The following SPTBN4 variants were observed in gnomAD, a reference collection of about 807,000 sequenced individuals.
SPTBN4 encodes spectrin beta chain, non-erythrocytic 4.
SPTBN4 carries 96 observed loss-of-function variants against 277.8 expected under a neutral mutation model. The ratio of observed to expected loss-of-function variants is 0.35; its 90% CI spans 0.29 to 0.41. The LOEUF is 0.41. Ranked by LOEUF, SPTBN4 falls within the 10% of genes least tolerant of loss-of-function variation. The probability of loss-of-function intolerance (pLI) is 1.00; values close to 1 mark genes in which losing one functional copy is unlikely to be tolerated. For synonymous variants in SPTBN4, 1,481 were observed against 1,580.3 expected, an observed-to-expected ratio of 0.94 and a Z score of 1.49; for missense variants, 3,006 against 3,595.7, an observed-to-expected ratio of 0.84 and a Z score of 4.19.
chr19:40,511,771 T>G (rs1377642682), intron 13 of SPTBN4, among the ~76,000 whole-genome samples: 1 of 151,958 alleles, frequency 6.6e-6, no homozygotes, highest in African/African-American at 2.4e-5. Flanking sequence ...AGATAACCAC[T>G]GGGATTGATA....
At position 40,487,845 on chromosome 19, in the gene SPTBN4, G is replaced by C. The variant is rs748256400; in HGVS notation, c.318G>C (p.Gln106His). The C allele has an allele frequency of 6.2e-7, 1 of 1,601,182 alleles. No individual in the cohort carries two copies. The highest frequency in any genetic ancestry group is 1.1e-5 in the South Asian group (1 of 89,476). The change falls in exon 3 of 36, where the codon CAG becomes CAC. Residue 106 changes from glutamine to histidine, a missense_variant. Transcript: ENST00000598249. ...TCCTGGAAGTGCTGTCTGGGGAGCA[G>C]CTGGTGAGGGGGCCTGAAGGGCTGG... The part of the protein sequence containing the change: ...TRLLEVLSGE[Q>H]LPRPTRGRMR...
At chr19:40,558,737 A>G (rs942232010) in intron 26 of SPTBN4, among the ~76,000 whole-genome samples, 1 of 150,500 alleles carries the variant, frequency 6.6e-6, no homozygotes, top group African/African-American at 2.4e-5. Context: ...CCTTCCAAAT[A>G]GCTGGGATTA....
rs148394509 is a variant in SPTBN4 at position 40,523,532 on chromosome 19, G to A, written c.3750G>A (p.Leu1250=). 1 of 1,614,110 alleles carries A rather than the reference G, an allele frequency of 6.2e-7. No individual in the cohort carries two copies. The highest frequency in any genetic ancestry group is 8.5e-7 in the Non-Finnish European group (1 of 1,180,054). Residue 1250 remains leucine, a synonymous_variant, in exon 17 of 36, where the codon CTG becomes CTA. Coordinates refer to ENST00000598249, the MANE Select transcript of SPTBN4 (RefSeq NM_020971.3). ...QHRDFLTTME[L]SQQKMQVAVQ... The stretch of plus-strand genomic sequence containing the variant: ...GTGACTTTCTCACCACCATGGAGCT[G>A]AGCCAGCAAAAGATGCAGGTGGCCG...
At chr19:40,557,429 A>C in intron 26 of SPTBN4, 26 bp downstream of exon 26, 1 of 1,535,500 alleles carries the variant, frequency 6.5e-7, no homozygotes, top group Non-Finnish European at 8.8e-7. Flanking sequence ...CCATCAGGGC[A>C]GGTGGGAGGG....
chr19:40,505,730 G>A (rs963795658), intron 12 of SPTBN4, among the ~76,000 whole-genome samples: 1 of 150,386 alleles, frequency 6.6e-6, no homozygotes, highest in East Asian at 2.0e-4. Flanking sequence ...AAGGAAGGAA[G>A]GAAGGAAGGA....
intron 32 of SPTBN4, among the ~76,000 whole-genome samples, chr19:40,569,932 C>T (rs1483102959): frequency 9.3e-6 from 1 of 107,834 alleles, no homozygotes; most frequent in Non-Finnish European, 2.0e-5. Context: ...CCCCTACTGC[C>T]CCTCCACACA....
chr19:40,565,142 G>C (rs1240337981), intron 27 of SPTBN4, among the ~76,000 whole-genome samples: 5 of 151,876 alleles, frequency 3.3e-5, no homozygotes, highest in African/African-American at 9.7e-5. Flanking sequence ...GCAGGTGCCT[G>C]TAATCCCAGC....
chr19:40,506,078 A>T (rs2080326278), intron 12 of SPTBN4, among the ~76,000 whole-genome samples, 158 bp from the exon 13 acceptor site: 1 of 152,184 alleles, frequency 6.6e-6, no homozygotes, highest in Admixed American at 6.5e-5. Flanking sequence ...CAGGCCACAG[A>T]GCTGGTAAGA....
At position 40,529,208 on chromosome 19, in the gene SPTBN4, G is replaced by T. The variant is rs1264885319; in HGVS notation, c.3948+77G>T. The T allele has an allele frequency of 4.4e-6, 6 of 1,376,864 alleles. No individual in the cohort carries two copies. In the East Asian group the frequency reaches 7.0e-5, roughly 16 times the overall value. The allele number at this position is 1,376,864 out of a possible 1,614,324, so 85.3% of individuals were successfully genotyped here. A position where few individuals can be genotyped will look rare whatever the true frequency, so the allele number is the denominator to read the frequency against. Reference sequence around the variant, plus strand: ...GAAGTGCTTCTCGGCCGAGGTGGGGGTGGGGACGCCCCGTCTAAGTGGGTC... The same window carrying T: ...GAAGTGCTTCTCGGCCGAGGTGGGGTTGGGGACGCCCCGTCTAAGTGGGTC... On this transcript the variant is annotated intron_variant, in intron 18 of 35. Coordinates refer to ENST00000598249, the MANE Select transcript of SPTBN4 (RefSeq NM_020971.3).
chr19:40,570,393 C>A, intron 32 of SPTBN4, 43 bp from the exon 33 acceptor site: 1 of 1,498,280 alleles, frequency 6.7e-7, no homozygotes, highest in South Asian at 1.2e-5. Flanking sequence ...ACCCCCACAC[C>A]CTCTCCATGG....
rs1433007877 is a variant in SPTBN4, at chr19:40,567,862, TGC to T, written c.6539_6540del (p.Arg2180ProfsTer13). 6.6e-7 allele frequency: 1 copy of T among 1,526,060 alleles called. No homozygotes were observed. Among genetic ancestry groups the T allele is most frequent in the Non-Finnish European group, 8.8e-7 (1 of 1,138,338 alleles). 94.5% of individuals were successfully genotyped at this position (1,526,060 alleles called of 1,614,324 possible). On this transcript the variant is annotated frameshift_variant, in exon 31 of 36. Coordinates refer to ENST00000598249, the MANE Select transcript of SPTBN4 (RefSeq NM_020971.3). LOFTEE classifies it high-confidence loss of function. ...GAGGTGCGGACTCGGGTGGGGTATGTGCGCCAGGAGCTCAAGCCCGAGCGCCT... is the reference window on the plus strand; with the variant it reads ...GAGGTGCGGACTCGGGTGGGGTATGTGCCAGGAGCTCAAGCCCGAGCGCCT...
chr19:40,536,855 G>A (rs1024918049), intron 20 of SPTBN4, among the ~76,000 whole-genome samples: 3 of 152,102 alleles, frequency 2.0e-5, no homozygotes, highest in East Asian at 3.9e-4. Context: ...GTGCAATCAC[G>A]GCTCACTGCA....
Position 40,527,250 on chromosome 19 carries a change from CTCTG to C in SPTBN4, c.3858-1787_3858-1784del, listed in dbSNP as rs1398142195. ...ACCTCTCTAACCCTGTCTTTTCTGC[CTCTG>C]TCTTTCACAGATACTGTACTTTTGT... On this transcript the variant is annotated intron_variant, in intron 17 of 35. Coordinates refer to ENST00000598249, the MANE Select transcript of SPTBN4 (RefSeq NM_020971.3). Among the ~76,000 whole-genome samples, 5 of 152,276 alleles carry C rather than the reference CTCTG, an allele frequency of 3.3e-5. No homozygotes were observed. The South Asian group carries it at 8.3e-4, about 25-fold the overall frequency.
chr19:40,517,166 A>G (rs2080470052), intron 15 of SPTBN4, among the ~76,000 whole-genome samples: 1 of 152,178 alleles, frequency 6.6e-6, no homozygotes, highest in African/African-American at 2.4e-5. Flanking sequence ...AAACTACCCC[A>G]CATTAGAGAG....
rs1194122126 is a variant in SPTBN4, at chr19:40,534,041, T to C, written c.4096-39T>C. The C allele has an allele frequency of 7.7e-6, 12 of 1,564,614 alleles. 1 individual carries two copies. The highest frequency in any genetic ancestry group is 3.4e-4 in the Middle Eastern group (2 of 5,864). On this transcript the variant is annotated intron_variant, in intron 19 of 35. Coordinates refer to ENST00000598249, the MANE Select transcript of SPTBN4 (RefSeq NM_020971.3). ...TCTCTGATTCTCCCCACCATCTATC[T>C]ATCTTCTCCATCTCCTGCCATCCAC...
At chr19:40,500,546 A>G (rs1294796124) in intron 7 of SPTBN4, among the ~76,000 whole-genome samples, 1 of 152,178 alleles carries the variant, frequency 6.6e-6, no homozygotes, top group African/African-American at 2.4e-5. Flanking sequence ...GCCCACGCCT[A>G]TAGTGGCCCA....
At chr19:40,569,161 C>A (rs2081125257) in intron 31 of SPTBN4, among the ~76,000 whole-genome samples, 1 of 152,168 alleles carries the variant, frequency 6.6e-6, no homozygotes, top group Non-Finnish European at 1.5e-5. Flanking sequence ...CGCGGTGGCT[C>A]ACGCCTGTAA....
intron 6 of SPTBN4, 140 bp downstream of exon 6, chr19:40,495,117 T>A (rs2080181527): frequency 2.7e-6 from 2 of 745,916 alleles, no homozygotes; most frequent in Non-Finnish European, 4.4e-6. Context: ...CACATACAGT[T>A]TTCTTTCCCT....
intron 7 of SPTBN4, among the ~76,000 whole-genome samples, chr19:40,500,235 T>G (rs915195801): frequency 2.0e-5 from 3 of 152,222 alleles, no homozygotes; most frequent in Middle Eastern, 3.4e-3. Flanking sequence ...TTAGAATTTG[T>G]TGAGTTTCCC....
Sources: allele counts gnomAD v4.1 joint callset (sites outside exome capture counted in the v4.1 genomes callset), GRCh38; gene constraint gnomAD v4.1.1; transcripts MANE v1.5; gene names NCBI Gene and HGNC (gene_info 2026-07-23, HGNC 2026-07-21).